PARD3B: variants seen among roughly 807,000 people sequenced by gnomAD.
PARD3B encodes par-3 family cell polarity regulator beta.
PARD3B carries 103 observed loss-of-function variants against 130.2 expected under a neutral mutation model. That is an observed-to-expected ratio of 0.79 (90% CI 0.67 to 0.93). PARD3B has a LOEUF of 0.93. Among genes scored for constraint, PARD3B ranks in the 40% least tolerant of loss-of-function variants. The pLI is 0.00. For synonymous variants in PARD3B, 583 were observed against 553.2 expected, an observed-to-expected ratio of 1.05 and a Z score of -0.76; for missense variants, 1,609 against 1,499.2, an observed-to-expected ratio of 1.07 and a Z score of -1.21.
At chr2:204,754,778 C>G (rs2040597281) in intron 2 of PARD3B, among the ~76,000 whole-genome samples, 1 of 152,012 alleles carries the variant, frequency 6.6e-6, no homozygotes, top group African/African-American at 2.4e-5. Context: ...CTCTTCTTGA[C>G]CAGAACTTAA....
At position 205,300,603 on chromosome 2, in the gene PARD3B, A is replaced by G; in HGVS notation, c.2259A>G (p.Ala753=). 1 of 1,613,972 alleles carries G rather than the reference A, an allele frequency of 6.2e-7. No individual in the cohort carries two copies. The highest frequency in any genetic ancestry group is 1.1e-5 in the South Asian group (1 of 91,078). Residue 753 remains alanine (A), a synonymous_variant, in exon 17 of 23, where the codon GCA becomes GCG. Coordinates refer to ENST00000406610, the MANE Select transcript of PARD3B (RefSeq NM_001302769.2). The surrounding 1 kb of genome is among the most constrained non-coding windows in gnomAD (Gnocchi z 4.1). ...KSSSLESLQT[A]VAEVRKNDLP... ...GCTCCTTGGAGAGTCTGCAGACTGC[A>G]GTGGCCGAGGTCAGGAAGAATGACC...
intron 2 of PARD3B, among the ~76,000 whole-genome samples, chr2:204,924,078 A>G (rs1472815335): frequency 6.6e-6 from 1 of 152,104 alleles, no homozygotes; most frequent in Non-Finnish European, 1.5e-5. Flanking sequence ...ACTGATGGTG[A>G]AATAGGATCT....
At chr2:205,319,897 G>A (rs529603149) in intron 18 of PARD3B, among the ~76,000 whole-genome samples, 78 of 151,820 alleles carry the variant, frequency 5.1e-4, no homozygotes, top group Non-Finnish European at 7.7e-4. Context: ...TGAAAAACTC[G>A]GCCGGGTGTG....
At chr2:205,209,068 T>C (rs1367390481) in intron 15 of PARD3B, among the ~76,000 whole-genome samples, 2 of 127,516 alleles carry the variant, frequency 1.6e-5, no homozygotes, top group Admixed American at 1.6e-4. Context: ...TAACGCCGCA[T>C]ATCTACAACT....
intron 15 of PARD3B, among the ~76,000 whole-genome samples, chr2:205,227,337 T>C (rs1382434939): frequency 6.6e-6 from 1 of 152,192 alleles, no homozygotes; most frequent in Admixed American, 6.5e-5. Flanking sequence ...TTAGTAATAT[T>C]TGCTTCATTT....
At chr2:205,251,148 TGAACTAG>T (rs757482537) in intron 16 of PARD3B, among the ~76,000 whole-genome samples, 11 of 152,160 alleles carry the variant, frequency 7.2e-5, no homozygotes, top group Non-Finnish European at 1.3e-4. Context: ...CTCAGCCAGC[TGAACTAG>T]GAACACAATA....
At chr2:205,063,859 A>G (rs1289651726) in intron 4 of PARD3B, among the ~76,000 whole-genome samples, 1 of 152,190 alleles carries the variant, frequency 6.6e-6, no homozygotes, top group Non-Finnish European at 1.5e-5. Flanking sequence ...GCATGTAGGT[A>G]TTCTACCAAC....
chr2:205,383,122 AGATAGATAGATAGATAGATC>A (rs1042882154), intron 18 of PARD3B, among the ~76,000 whole-genome samples: 29 of 150,636 alleles, frequency 1.9e-4, no homozygotes, highest in Admixed American at 3.3e-4. Context: ...ATAGATAGAT[AGATAGATAGATAGATAGATC>A]GATCTAAACT....
chr2:205,232,759 A>T (rs1257479642), intron 15 of PARD3B, among the ~76,000 whole-genome samples: 1 of 152,204 alleles, frequency 6.6e-6, no homozygotes, highest in Non-Finnish European at 1.5e-5. Flanking sequence ...TCTGAGATGT[A>T]AAATACTCTG....
At chr2:205,420,422 C>T (rs1219269453) in intron 19 of PARD3B, among the ~76,000 whole-genome samples, 1 of 152,148 alleles carries the variant, frequency 6.6e-6, no homozygotes, top group African/African-American at 2.4e-5. Flanking sequence ...AATAATTTGT[C>T]CGTGGTACAA....
At chr2:204,611,957 T>G (rs1178944857) in intron 1 of PARD3B, among the ~76,000 whole-genome samples, 3 of 152,204 alleles carry the variant, frequency 2.0e-5, no homozygotes, top group African/African-American at 7.2e-5. Context: ...ACCAGGAGTC[T>G]CAGACTCAGA....
At chr2:204,951,290 A>G (rs942411424) in intron 2 of PARD3B, among the ~76,000 whole-genome samples, 4 of 152,178 alleles carry the variant, frequency 2.6e-5, no homozygotes, top group African/African-American at 9.7e-5. Flanking sequence ...GAATTTGATG[A>G]TATTACGCCA....
Position 204,799,517 on chromosome 2 carries a change from G to A in PARD3B, c.222+113235G>A, listed in dbSNP as rs2042489949. Among the ~76,000 whole-genome samples the A allele has an allele frequency of 6.6e-6, 1 of 152,206 alleles. No homozygotes were observed. Among genetic ancestry groups the A allele is most frequent in the South Asian group, 2.1e-4 (1 of 4,832 alleles). On this transcript the variant is annotated intron_variant, in intron 2 of 22. Coordinates refer to ENST00000406610, the MANE Select transcript of PARD3B (RefSeq NM_001302769.2). This position sits in a 1 kb window ranked among gnomAD's most constrained non-coding sequence, Gnocchi z 4.1. ...TCACTGAAGAGCCCTTGGGCCGTGA[G>A]TGAACATTCACAGCCAGACAGTGGT...
intron 3 of PARD3B, among the ~76,000 whole-genome samples, chr2:205,013,429 A>G (rs1695880494): frequency 6.6e-6 from 1 of 152,172 alleles, no homozygotes. Flanking sequence ...TTTCAGAAGC[A>G]GAGAATACAT....
At chr2:204,954,479 G>A (rs943932204) in intron 2 of PARD3B, among the ~76,000 whole-genome samples, 2 of 152,178 alleles carry the variant, frequency 1.3e-5, no homozygotes, top group Admixed American at 1.3e-4. Context: ...TTTGCTAAAC[G>A]TGTTCATGCT....
chr2:205,084,811 TTA>T (rs1373458701), intron 4 of PARD3B, among the ~76,000 whole-genome samples: 8 of 152,032 alleles, frequency 5.3e-5, no homozygotes, highest in African/African-American at 1.9e-4. Flanking sequence ...TCAGGTTGTT[TTA>T]TGTCATAGTA....
chr2:205,313,486 A>T (rs565157441), intron 18 of PARD3B, among the ~76,000 whole-genome samples: 9 of 152,200 alleles, frequency 5.9e-5, no homozygotes, highest in Non-Finnish European at 1.0e-4. Context: ...TGCTGCTGCC[A>T]TGCCTTCCCC....
In PARD3B at chr2:205,183,363, G is replaced by C. The variant is rs2035900387; in HGVS notation, c.1925-2401G>C. 6.6e-6 allele frequency among the ~76,000 whole-genome samples: 1 copy of C among 152,194 alleles called. No individual in the cohort carries two copies. The highest frequency in any genetic ancestry group is 6.6e-5 in the Admixed American group (1 of 15,258). On this transcript the variant is annotated intron_variant, in intron 13 of 22. Coordinates refer to ENST00000406610, the MANE Select transcript of PARD3B (RefSeq NM_001302769.2). The surrounding 1 kb of genome is among the most constrained non-coding windows in gnomAD (Gnocchi z 5.2). ...ACCATCACTGTGGAAGATGGACTGAGAGGTTGAGGATAGAAGATGAGAGCC... is the reference window on the plus strand; with the variant it reads ...ACCATCACTGTGGAAGATGGACTGACAGGTTGAGGATAGAAGATGAGAGCC...
intron 19 of PARD3B, among the ~76,000 whole-genome samples, chr2:205,427,294 G>A (rs2047176242): frequency 1.3e-5 from 2 of 152,276 alleles, no homozygotes; most frequent in East Asian, 1.9e-4. Flanking sequence ...GTAACAATAT[G>A]GACTGACGTT....
Sources: gnomAD v4.1 joint callset for allele counts (sites outside exome capture counted in the v4.1 genomes callset) on GRCh38, gnomAD v4.1.1 for gene constraint, Gnocchi (gnomAD v3.1) non-coding constraint, MANE v1.5 for transcripts, NCBI Gene and HGNC (gene_info 2026-07-23, HGNC 2026-07-21) for gene names.